ATG10: variants seen among roughly 807,000 people sequenced by gnomAD.
The protein encoded by ATG10 is autophagy related 10, also known as ubiquitin-like-conjugating enzyme ATG10.
In ATG10, 30 loss-of-function variants were observed where a neutral mutation model predicts 32.1. The ratio of observed to expected loss-of-function variants is 0.94; its 90% CI spans 0.70 to 1.27. The LOEUF (loss-of-function observed/expected upper bound fraction) is 1.27. Ranked by LOEUF, ATG10 falls within the 50% of genes most tolerant of loss-of-function variation. ATG10 has a pLI of 0.00. For synonymous variants in ATG10, 87 were observed against 91.5 expected, an observed-to-expected ratio of 0.95 and a Z score of 0.28; for missense variants, 233 against 262.3, an observed-to-expected ratio of 0.89 and a Z score of 0.77.
chr5:82,181,491 G>T (rs1056937758), intron 5 of ATG10, among the ~76,000 whole-genome samples: 1 of 152,052 alleles, frequency 6.6e-6, no homozygotes, highest in African/African-American at 2.4e-5. Context: ...GGGAGAATGG[G>T]TCTTCATTTT....
intron 3 of ATG10, among the ~76,000 whole-genome samples, chr5:82,141,945 C>T (rs927058293): frequency 6.6e-6 from 1 of 152,012 alleles, no homozygotes; most frequent in African/African-American, 2.4e-5. Flanking sequence ...TGCCCTGTCA[C>T]GTTAGCCTAT....
At chr5:82,065,524 CA>C (rs1763915981) in intron 3 of ATG10, among the ~76,000 whole-genome samples, 1 of 151,592 alleles carries the variant, frequency 6.6e-6, no homozygotes, top group Admixed American at 6.6e-5. Flanking sequence ...ATAATTTCAA[CA>C]GAAGCAAACA....
At chr5:82,029,325 GAA>G (rs35630966) in intron 2 of ATG10, among the ~76,000 whole-genome samples, 70,725 of 151,884 alleles carry the variant, frequency 0.47, 17,495 homozygotes, top group East Asian at 0.78. Context: ...ACAATATAAA[GAA>G]AATGTATTTA....
At chr5:82,190,034 C>T (rs1744597275) in intron 5 of ATG10, among the ~76,000 whole-genome samples, 1 of 152,124 alleles carries the variant, frequency 6.6e-6, no homozygotes, top group Admixed American at 6.5e-5. Context: ...CTTTGCCTGC[C>T]TGTCTTCAAA....
intron 3 of ATG10, among the ~76,000 whole-genome samples, chr5:82,079,463 C>T (rs1469527239): frequency 6.6e-6 from 1 of 151,868 alleles, no homozygotes; most frequent in Non-Finnish European, 1.5e-5. Flanking sequence ...GTGTGCTGCA[C>T]CCATTAACTC....
intron 3 of ATG10, among the ~76,000 whole-genome samples, chr5:82,145,486 T>C (rs1289626146): frequency 6.6e-6 from 1 of 152,142 alleles, no homozygotes; most frequent in African/African-American, 2.4e-5. Context: ...GTTAATCTTA[T>C]ATACTTTATA....
At chr5:82,179,412 C>T (rs967792657) in intron 5 of ATG10, among the ~76,000 whole-genome samples, 1 of 152,010 alleles carries the variant, frequency 6.6e-6, no homozygotes, top group Non-Finnish European at 1.5e-5. Flanking sequence ...GATGATTTGG[C>T]TTATGTAATC....
At chr5:82,192,520 A>G (rs1473915801) in intron 5 of ATG10, among the ~76,000 whole-genome samples, 1 of 152,132 alleles carries the variant, frequency 6.6e-6, no homozygotes, top group Non-Finnish European at 1.5e-5. Context: ...AGGTTCTTCT[A>G]CTTATTAGCA....
chr5:81,993,360 C>CTTTTCTT lies in ATG10; in HGVS notation c.108+5684_108+5685insTTCTTTT. 1.7e-3 allele frequency among the ~76,000 whole-genome samples: 79 copies of CTTTTCTT among 46,776 alleles called. 5 individuals carry two copies. The highest frequency in any genetic ancestry group is 0.014 in the East Asian group (22 of 1,560). 30.7% of individuals were successfully genotyped at this position (46,776 alleles called of 152,430 possible). A position where few individuals can be genotyped will look rare whatever the true frequency, so the allele number is the denominator to read the frequency against. On this transcript the variant is annotated intron_variant, in intron 2 of 7. Transcript: ENST00000282185. Reference sequence around the variant, plus strand: ...CCTTCTTTCTTTCTTTCTTTCTTTCCTTCTTTTCTTTTCTTTTCTTTTCTT... The same window carrying CTTTTCTT: ...CCTTCTTTCTTTCTTTCTTTCTTTCCTTTTCTTTTCTTTTCTTTTCTTTTCTTTTCTT...
At chr5:82,062,109 C>T (rs1763801601) in intron 3 of ATG10, among the ~76,000 whole-genome samples, 1 of 152,014 alleles carries the variant, frequency 6.6e-6, no homozygotes, top group Non-Finnish European at 1.5e-5. Context: ...AGATTACAGG[C>T]ATGAGCCACT....
chr5:82,045,191 T>C (rs1371761615), intron 2 of ATG10, among the ~76,000 whole-genome samples: 2 of 152,214 alleles, frequency 1.3e-5, no homozygotes, highest in African/African-American at 2.4e-5. Context: ...AGTTGTTTAA[T>C]GTGGGAGGGT....
At chr5:82,102,518 C>T (rs1163700458) in intron 3 of ATG10, among the ~76,000 whole-genome samples, 1 of 152,178 alleles carries the variant, frequency 6.6e-6, no homozygotes, top group East Asian at 1.9e-4. Context: ...AGGAGAAAAT[C>T]TATTGTTTGC....
chr5:81,989,223 A>G (rs999140113), intron 2 of ATG10, among the ~76,000 whole-genome samples: 1 of 152,358 alleles, frequency 6.6e-6, no homozygotes, highest in Middle Eastern at 3.4e-3. Flanking sequence ...CCGAAAAGTG[A>G]TGAATCCTGA....
chr5:82,083,060 T>C (rs1764540049), intron 3 of ATG10, among the ~76,000 whole-genome samples: 1 of 151,694 alleles, frequency 6.6e-6, no homozygotes, highest in Non-Finnish European at 1.5e-5. Flanking sequence ...GCACAAGGGG[T>C]TGGGGAATTC....
intron 2 of ATG10, among the ~76,000 whole-genome samples, chr5:82,002,734 A>T (rs1761883886): frequency 6.6e-6 from 1 of 152,078 alleles, no homozygotes; most frequent in Non-Finnish European, 1.5e-5. Context: ...TGTGTACCAA[A>T]CCCCTGTGAC....
intron 1 of ATG10, among the ~76,000 whole-genome samples, chr5:81,985,388 AC>A (rs146614837): frequency 0.015 from 2,261 of 152,264 alleles, 42 homozygotes; most frequent in African/African-American, 0.05. Context: ...GGGTTCTGTT[AC>A]CATCTATGTA....
intron 3 of ATG10, among the ~76,000 whole-genome samples, chr5:82,109,370 A>G (rs1420150628): frequency 6.6e-6 from 1 of 152,034 alleles, no homozygotes; most frequent in Non-Finnish European, 1.5e-5. Context: ...GTTGGGCACT[A>G]AAATACAAAG....
At chr5:81,985,553 C>G (rs1215196610) in intron 1 of ATG10, among the ~76,000 whole-genome samples, 1 of 152,108 alleles carries the variant, frequency 6.6e-6, no homozygotes, top group Non-Finnish European at 1.5e-5. Context: ...CAACTCTCTT[C>G]CCAAACCTGC....
intron 5 of ATG10, among the ~76,000 whole-genome samples, chr5:82,192,870 C>T (rs546322271): frequency 4.6e-4 from 70 of 152,272 alleles, no homozygotes; most frequent in African/African-American, 1.7e-3. Context: ...AGAAAGCTGA[C>T]ATAGTATACT....
Sources: allele counts gnomAD v4.1 joint callset (sites outside exome capture counted in the v4.1 genomes callset), GRCh38; gene constraint gnomAD v4.1.1; transcripts MANE v1.5; gene names NCBI Gene and HGNC (gene_info 2026-07-23, HGNC 2026-07-21).